The following IGSF10 variants were observed in gnomAD, a reference collection of about 807,000 sequenced individuals.
IGSF10 encodes the protein calvaria mechanical force protein 608.
In IGSF10, 126 loss-of-function variants were observed where a neutral mutation model predicts 128.2. The observed-to-expected ratio is 0.98, with a 90% CI of 0.85 to 1.14. The LOEUF is 1.14. Ranked by LOEUF, IGSF10 falls within the 50% of genes most tolerant of loss-of-function variation. The probability of loss-of-function intolerance (pLI) is 0.00; values close to 1 mark genes in which losing one functional copy is unlikely to be tolerated. For missense variants in IGSF10, 3,295 were observed against 3,149.8 expected, an observed-to-expected ratio of 1.05 and a Z score of -1.10; for synonymous variants, 1,185 against 1,146.2, an observed-to-expected ratio of 1.03 and a Z score of -0.68.
the IGSF10 span, among the ~76,000 whole-genome samples, chr3:151,608,122 C>T: frequency 6.6e-6 from 1 of 151,998 alleles, no homozygotes; most frequent in Non-Finnish European, 1.5e-5. Flanking sequence ...AAATATTTGA[C>T]TCTCAAAAAT....
At position 151,453,333 on chromosome 3, in the gene IGSF10, A is replaced by G. The variant is rs149407980; in HGVS notation, c.715+51T>C. ...CTCCACTTCCTAATATAATACCTCCAAGCAGATTTCCTCCACTTAATTGGG... is the reference window on the plus strand; with the variant it reads ...CTCCACTTCCTAATATAATACCTCCGAGCAGATTTCCTCCACTTAATTGGG... On this transcript the variant is annotated intron_variant, in intron 5 of 7. Transcript: ENST00000282466. The G allele has an allele frequency of 3.6e-4, 514 of 1,442,070 alleles. 3 individuals are homozygous for G. The African/African-American group carries it at 6.5e-3, about 18-fold the overall frequency. The allele number at this position is 1,442,070 out of a possible 1,614,324, so 89.3% of individuals were successfully genotyped here.
At chr3:151,600,892 T>C in the IGSF10 span, among the ~76,000 whole-genome samples, 1 of 152,138 alleles carries the variant, frequency 6.6e-6, no homozygotes, top group African/African-American at 2.4e-5. Context: ...TAAAGGTCAT[T>C]TCCTTTTCTT....
At chr3:151,488,149 A>G in the IGSF10 span, among the ~76,000 whole-genome samples, 3 of 152,178 alleles carry the variant, frequency 2.0e-5, no homozygotes, top group Non-Finnish European at 2.9e-5. Flanking sequence ...TACAAAATCA[A>G]TGTGCAAAAA....
At chr3:151,456,804 T>A (rs1721818505) in intron 4 of IGSF10, among the ~76,000 whole-genome samples, 1 of 152,246 alleles carries the variant, frequency 6.6e-6, no homozygotes, top group African/African-American at 2.4e-5. Context: ...ATTTTTTTTC[T>A]ATTAGCTTGA....
At chr3:151,480,296 C>G in the IGSF10 span, among the ~76,000 whole-genome samples, 4 of 152,312 alleles carry the variant, frequency 2.6e-5, no homozygotes, top group South Asian at 8.3e-4. Flanking sequence ...CTTTCCCTCA[C>G]TACCTCCATC....
In IGSF10 at chr3:151,447,462, G is replaced by A. The variant is rs955406476; in HGVS notation, c.2519C>T (p.Thr840Ile). 5 of 1,614,004 alleles carry A rather than the reference G, an allele frequency of 3.1e-6. No homozygotes were observed. The highest frequency in any genetic ancestry group is 1.7e-5 in the Admixed American group (1 of 60,000). The change falls in exon 6 of 8, where the codon ACA becomes ATA. Residue 840 changes from threonine to isoleucine, a missense_variant. Thr to Ile is a moderately conservative substitution (Grantham distance 89). Transcript: ENST00000282466. ...TGAATTCACAACAGGAGAGAATTCTGTGCCATAATTTATGTTTGTCATAGG... is the reference window on the plus strand; with the variant it reads ...TGAATTCACAACAGGAGAGAATTCTATGCCATAATTTATGTTTGTCATAGG... ...DSPMTNINYG[T>I]EFSPVVNSQI...
At chr3:151,454,756 G>C (rs568689127) in intron 4 of IGSF10, among the ~76,000 whole-genome samples, 6 of 151,952 alleles carry the variant, frequency 3.9e-5, no homozygotes, top group Non-Finnish European at 8.8e-5. Context: ...CACTTTGGGA[G>C]GCTGAGGCGG....
intron 7 of IGSF10, among the ~76,000 whole-genome samples, chr3:151,439,249 G>A (rs1028106361): frequency 6.6e-6 from 1 of 152,200 alleles, no homozygotes; most frequent in Non-Finnish European, 1.5e-5. Context: ...CAGTTGCTCA[G>A]AAAAGATGCC....
chr3:151,563,160 C>T, the IGSF10 span, among the ~76,000 whole-genome samples: 1 of 152,004 alleles, frequency 6.6e-6, no homozygotes, highest in African/African-American at 2.4e-5. Context: ...TTAATGCTCT[C>T]AGGTGTGTCT....
intron 5 of IGSF10, among the ~76,000 whole-genome samples, chr3:151,451,773 A>G (rs558153479): frequency 1.2e-4 from 18 of 152,358 alleles, no homozygotes; most frequent in Admixed American, 1.1e-3. Context: ...AGATTACACT[A>G]TGATTTAGCA....
chr3:151,448,476 T>C lies in IGSF10; in HGVS notation c.1505A>G (p.Asp502Gly), dbSNP rs1721338057. The C allele has an allele frequency of 3.7e-6, 6 of 1,614,176 alleles. No homozygotes were observed. The East Asian group carries it at 1.1e-4, about 30-fold the overall frequency. The change falls in exon 6 of 8, where the codon GAC (aspartate) becomes GGC (glycine). Residue 502 changes from aspartate to glycine, a missense_variant. Transcript: ENST00000282466. ...TVGLNCPGQGDPTPHVDWLLA... is the reference protein window; with the variant it reads ...TVGLNCPGQGGPTPHVDWLLA... ...AAGCCAATCCACGTGTGGGGTGGGG[T>C]CTCCTTGGCCTGGGCAGTTCAGGCC...
intron 3 of IGSF10, among the ~76,000 whole-genome samples, chr3:151,457,878 A>T (rs1721872898): frequency 6.6e-6 from 1 of 152,158 alleles, no homozygotes; most frequent in Non-Finnish European, 1.5e-5. Context: ...CTTTTTAACG[A>T]TCAATACACA....
Position 151,458,537 on chromosome 3 carries a change from T to C in IGSF10, c.173A>G (p.Asn58Ser), listed in dbSNP as rs150464622. 5.4e-5 allele frequency: 87 copies of C among 1,613,820 alleles called. No homozygotes were observed. The African/African-American group carries it at 1.1e-3, about 20-fold the overall frequency. ...LTSIPDSIPP[N>S]VERINLGYNS... is the part of the protein sequence containing the mutation. ...ACACCCTAAATTGATGCGTTCCACA[T>C]TGGGCGGGATGCTGTCTGGGATGGA... Residue 58 changes from asparagine (N) to serine (S), a missense_variant, in exon 3 of 8, where the codon AAT becomes AGT. Physicochemically the swap from Asn to Ser is conservative, Grantham distance 46. Coordinates refer to ENST00000282466, the MANE Select transcript of IGSF10 (RefSeq NM_178822.5).
chr3:151,526,627 T>C, the IGSF10 span, among the ~76,000 whole-genome samples: 1 of 152,160 alleles, frequency 6.6e-6, no homozygotes, highest in African/African-American at 2.4e-5. Flanking sequence ...GTTATTTAGG[T>C]TCTTCTAGTT....
chr3:151,535,504 C>G, the IGSF10 span, among the ~76,000 whole-genome samples: 1 of 152,250 alleles, frequency 6.6e-6, no homozygotes, highest in Non-Finnish European at 1.5e-5. Flanking sequence ...TTCTCACTAC[C>G]TGGGTGAAGG....
At chr3:151,466,825 C>T in the IGSF10 span, among the ~76,000 whole-genome samples, 1 of 152,100 alleles carries the variant, frequency 6.6e-6, no homozygotes, top group Non-Finnish European at 1.5e-5. Context: ...GTGATCCACC[C>T]GCCTCGGCCT....
chr3:151,501,371 T>C, the IGSF10 span, among the ~76,000 whole-genome samples: 1 of 151,978 alleles, frequency 6.6e-6, no homozygotes, highest in Non-Finnish European at 1.5e-5. Context: ...ATATGTAAAA[T>C]AGGGATCATC....
the IGSF10 span, among the ~76,000 whole-genome samples, chr3:151,510,688 C>A: frequency 5.3e-5 from 8 of 152,116 alleles, 1 homozygote; most frequent in African/African-American, 1.7e-4. Flanking sequence ...GAAGTGTGAA[C>A]CAATGGCAAA....
the IGSF10 span, among the ~76,000 whole-genome samples, chr3:151,485,337 G>T: frequency 2.0e-5 from 3 of 152,170 alleles, no homozygotes; most frequent in African/African-American, 7.2e-5. Context: ...TGGTGTGTGT[G>T]AAAGTGATGG....
Sources: allele counts gnomAD v4.1 joint callset (sites outside exome capture counted in the v4.1 genomes callset), GRCh38; gene constraint gnomAD v4.1.1; transcripts MANE v1.5; gene names NCBI Gene and HGNC (gene_info 2026-07-23, HGNC 2026-07-21).